The following SRGAP1 variants were observed in gnomAD, a reference collection of about 807,000 sequenced individuals.
SRGAP1 encodes the protein SLIT-ROBO Rho GTPase activating protein 1, also known as SLIT-ROBO Rho GTPase-activating protein 1.
In SRGAP1, 43 loss-of-function variants were observed where a neutral mutation model predicts 121.9. That is an observed-to-expected ratio of 0.35 (90% CI 0.28 to 0.46). The LOEUF (loss-of-function observed/expected upper bound fraction) is 0.46. Among genes scored for constraint, SRGAP1 ranks in the 20% least tolerant of loss-of-function variants. The pLI is 1.00. For missense variants in SRGAP1, 1,102 were observed against 1,350.9 expected (o/e 0.82, Z 2.89); for synonymous variants, 447 against 485.4 (o/e 0.92, Z 1.04).
At chr12:64,046,018 G>A (rs919360857) in intron 6 of SRGAP1, among the ~76,000 whole-genome samples, 1 of 152,162 alleles carries the variant, frequency 6.6e-6, no homozygotes, top group Non-Finnish European at 1.5e-5. Flanking sequence ...TTGATGGGGT[G>A]TCCAGGAAAA....
chr12:64,002,368 G>A (rs946288918), intron 3 of SRGAP1, among the ~76,000 whole-genome samples: 2 of 152,126 alleles, frequency 1.3e-5, no homozygotes, highest in Non-Finnish European at 2.9e-5. Flanking sequence ...GCAACAACCT[G>A]TTGTTTTATT....
chr12:63,964,118 G>A (rs944663698), intron 1 of SRGAP1, among the ~76,000 whole-genome samples: 7 of 152,018 alleles, frequency 4.6e-5, no homozygotes, highest in South Asian at 2.1e-4. Context: ...GCTACCAGCC[G>A]GGTGGCTGTG....
At chr12:63,959,092 C>A (rs2032559031) in intron 1 of SRGAP1, among the ~76,000 whole-genome samples, 1 of 152,126 alleles carries the variant, frequency 6.6e-6, no homozygotes, top group African/African-American at 2.4e-5. Flanking sequence ...CAAAACATGA[C>A]CCTAGCAAGA....
At chr12:64,048,182 G>C (rs1468377067) in intron 6 of SRGAP1, among the ~76,000 whole-genome samples, 1 of 151,998 alleles carries the variant, frequency 6.6e-6, no homozygotes, top group Non-Finnish European at 1.5e-5. Context: ...CTACCATTCT[G>C]TCTATCTCCA....
chr12:63,946,269 T>A (rs1373579311), intron 1 of SRGAP1, among the ~76,000 whole-genome samples: 1 of 151,962 alleles, frequency 6.6e-6, no homozygotes, highest in Non-Finnish European at 1.5e-5. Flanking sequence ...TCTATTTGGA[T>A]TTATGAATGG....
chr12:63,993,776 G>A (rs1403309842), intron 3 of SRGAP1, among the ~76,000 whole-genome samples: 1 of 151,480 alleles, frequency 6.6e-6, no homozygotes, highest in South Asian at 2.1e-4. Context: ...GAGCTATAGG[G>A]AACAGCTTCA....
At chr12:64,126,260 ACAGAGATAAAACTT>A (rs1378875051) in intron 19 of SRGAP1, 103 bp downstream of exon 19, 3 of 1,324,342 alleles carry the variant, frequency 2.3e-6, no homozygotes, top group Non-Finnish European at 3.1e-6. Flanking sequence ...AGAAGGGATT[ACAGAGATAAAACTT>A]CAGAGCTAGG....
intron 1 of SRGAP1, among the ~76,000 whole-genome samples, chr12:63,889,206 G>T (rs1036637945): frequency 6.6e-6 from 1 of 152,170 alleles, no homozygotes; most frequent in Non-Finnish European, 1.5e-5. Flanking sequence ...TAGAGTGGGG[G>T]CTCAGTGCTC....
At chr12:63,864,954 A>C (rs1164380361) in intron 1 of SRGAP1, among the ~76,000 whole-genome samples, 1 of 152,172 alleles carries the variant, frequency 6.6e-6, no homozygotes, top group Non-Finnish European at 1.5e-5. Flanking sequence ...GCTAAAATAG[A>C]GATTGATAAG....
intron 1 of SRGAP1, among the ~76,000 whole-genome samples, chr12:63,876,152 G>T (rs1176135588): frequency 3.3e-5 from 5 of 152,204 alleles, no homozygotes; most frequent in African/African-American, 1.2e-4. Context: ...TTGAAGAAAT[G>T]GTAAGTAGCT....
At chr12:64,094,203 C>T (rs900710812) in intron 12 of SRGAP1, among the ~76,000 whole-genome samples, 2 of 152,146 alleles carry the variant, frequency 1.3e-5, no homozygotes, top group Non-Finnish European at 2.9e-5. Flanking sequence ...GTGGCCTCAG[C>T]AGCCCTTCAT....
chr12:64,037,863 G>C (rs2034932251), intron 4 of SRGAP1, among the ~76,000 whole-genome samples: 1 of 152,216 alleles, frequency 6.6e-6, no homozygotes, highest in Non-Finnish European at 1.5e-5. Context: ...TGGGTTATGG[G>C]TGGTAAGCAC....
intron 15 of SRGAP1, chr12:64,097,607 A>G (rs2036184278): frequency 2.6e-6 from 1 of 387,886 alleles, no homozygotes; most frequent in African/African-American, 2.1e-5. Context: ...CCAGAAAGCC[A>G]GGAGCTTCCC....
At chr12:63,959,052 A>G (rs1428240547) in intron 1 of SRGAP1, among the ~76,000 whole-genome samples, 2 of 151,574 alleles carry the variant, frequency 1.3e-5, no homozygotes, top group East Asian at 3.9e-4. Context: ...TTTCATTACC[A>G]GAAGATGAGA....
At chr12:64,129,975 G>GGTGGTT (rs1555176733) in intron 21 of SRGAP1, among the ~76,000 whole-genome samples, 7 of 151,124 alleles carry the variant, frequency 4.6e-5, no homozygotes, top group Admixed American at 4.6e-4. Context: ...AGCAGGTCGT[G>GGTGGTT]GTTGTTGTTG....
At chr12:64,035,332 G>A (rs2034880818) in intron 4 of SRGAP1, among the ~76,000 whole-genome samples, 1 of 104,808 alleles carries the variant, frequency 9.5e-6, no homozygotes, top group African/African-American at 3.0e-5. Flanking sequence ...TCCAGCAACT[G>A]CCCCTCTCCC....
chr12:64,018,235 TGCGCCAGCA>T, intron 4 of SRGAP1, among the ~76,000 whole-genome samples: 1 of 152,068 alleles, frequency 6.6e-6, no homozygotes, highest in Admixed American at 6.6e-5. Flanking sequence ...ATTACAGGCA[TGCGCCAGCA>T]TGCCTGGCAA....
rs147111778 is a variant in SRGAP1 at position 63,949,036 on chromosome 12, T to A, written c.68-34911T>A. ...TTCATATATGTATTTTCCATATATG[T>A]ATTTTCCATATATGTATTTTCCATA... On this transcript the variant is annotated intron_variant, in intron 1 of 21. Coordinates refer to ENST00000355086, the MANE Select transcript of SRGAP1 (RefSeq NM_020762.4). Among the ~76,000 whole-genome samples, 239 of 119,644 alleles carry A rather than the reference T, an allele frequency of 2.0e-3. 79 individuals carry two copies. Among genetic ancestry groups the A allele is most frequent in the East Asian group, 5.5e-3 (19 of 3,446 alleles). The allele number at this position is 119,644 out of a possible 152,430, so 78.5% of individuals were successfully genotyped here.
intron 3 of SRGAP1, among the ~76,000 whole-genome samples, chr12:64,004,249 A>G (rs182705595): frequency 1.3e-5 from 2 of 152,242 alleles, no homozygotes; most frequent in Non-Finnish European, 2.9e-5. Context: ...GAAGGCACGC[A>G]GTCCCTCATG....
Sources: allele counts gnomAD v4.1 joint callset (sites outside exome capture counted in the v4.1 genomes callset), GRCh38; gene constraint gnomAD v4.1.1; transcripts MANE v1.5; gene names NCBI Gene and HGNC (gene_info 2026-07-23, HGNC 2026-07-21).